ATXN7: variants seen among roughly 807,000 people sequenced by gnomAD.
ATXN7 encodes ataxin 7.
A neutral mutation model predicts 70.5 loss-of-function variants in ATXN7; 12 were observed. That is an observed-to-expected ratio of 0.17 (90% CI 0.11 to 0.28). ATXN7 has a LOEUF of 0.28. ATXN7 is among the 10% of genes least tolerant of loss of function. The pLI, the probability that ATXN7 is intolerant of heterozygous loss-of-function variation, is 1.00. For missense variants in ATXN7, 1,256 were observed against 1,131.7 expected (o/e 1.11, Z -1.58); for synonymous variants, 498 against 448.7 (o/e 1.11, Z -1.39).
At chr3:63,999,031 C>T in intron 12 of ATXN7, 1 of 166,126 alleles carries the variant, frequency 6.0e-6, no homozygotes, top group South Asian at 1.5e-4. Context: ...TGGGCACTGC[C>T]TTGAGTGCGA....
At position 63,912,756 on chromosome 3, in the gene ATXN7, C is replaced by G. The variant is rs1225526400; in HGVS notation, c.158C>G (p.Pro53Arg). 6.1e-6 allele frequency: 8 copies of G among 1,320,840 alleles called. No individual in the cohort carries two copies. The highest frequency in any genetic ancestry group is 6.8e-6 in the Non-Finnish European group (7 of 1,034,914). The allele number at this position is 1,320,840 out of a possible 1,614,324, so 81.8% of individuals were successfully genotyped here. A position where few individuals can be genotyped will look rare whatever the true frequency, so the allele number is the denominator to read the frequency against. The change falls in exon 3 of 13, where the codon CCG becomes CGG. Residue 53 changes from proline to arginine, a missense_variant. By Grantham distance (103) the Pro-to-Arg change is moderately radical. Coordinates refer to ENST00000674280, the MANE Select transcript of ATXN7 (RefSeq NM_001377405.1). ...PQPQRQQHPPPPPRRTRPEDG... is the reference protein window; with the variant it reads ...PQPQRQQHPPRPPRRTRPEDG... Reference sequence around the variant, plus strand: ...CCCCAGCGGCAGCAGCACCCGCCACCGCCGCCACGGCGCACACGGCCGGAG... The same window carrying G: ...CCCCAGCGGCAGCAGCACCCGCCACGGCCGCCACGGCGCACACGGCCGGAG...
At chr3:63,924,732 A>C (rs1351428268) in intron 4 of ATXN7, among the ~76,000 whole-genome samples, 1 of 152,162 alleles carries the variant, frequency 6.6e-6, no homozygotes, top group Non-Finnish European at 1.5e-5. Flanking sequence ...CAGAACCCTC[A>C]TTGTATGGGG....
In ATXN7 at chr3:63,921,091, G is replaced by A. The variant is rs560746089; in HGVS notation, c.394+7866G>A. ...AATAAATGAGCAGAAGAAGGAGAAC[G>A]ATTTTTGCATTTCACCCACTCATAA... On this transcript the variant is annotated intron_variant, in intron 4 of 12. Transcript: ENST00000674280. Among the ~76,000 whole-genome samples, 5 of 152,260 alleles carry A rather than the reference G, an allele frequency of 3.3e-5. No individual in the cohort carries two copies. The East Asian group carries it at 5.8e-4, about 18-fold the overall frequency.
chr3:63,871,391 C>T (rs1287812612), intron 1 of ATXN7, among the ~76,000 whole-genome samples: 2 of 152,014 alleles, frequency 1.3e-5, no homozygotes, highest in Non-Finnish European at 2.9e-5. Context: ...AGTAAATTTG[C>T]TACGTATCTT....
intron 8 of ATXN7, among the ~76,000 whole-genome samples, chr3:63,985,050 G>A (rs528026902): frequency 6.1e-4 from 93 of 152,164 alleles, no homozygotes; most frequent in African/African-American, 2.0e-3. Flanking sequence ...CATTTATATT[G>A]TTTCTACATC....
chr3:63,965,845 T>G (rs2075213216), intron 5 of ATXN7, among the ~76,000 whole-genome samples: 1 of 152,234 alleles, frequency 6.6e-6, no homozygotes. Flanking sequence ...CTGAGCTTTG[T>G]TCTCAATTTC....
chr3:63,952,878 AT>A (rs2074979920), intron 5 of ATXN7, among the ~76,000 whole-genome samples: 1 of 83,294 alleles, frequency 1.2e-5, no homozygotes, highest in Non-Finnish European at 2.2e-5. Context: ...AGGAAATGTG[AT>A]TTTGAAACTT....
intron 3 of ATXN7, 41 bp downstream of exon 3, chr3:63,912,964 A>G: frequency 2.0e-6 from 2 of 1,011,442 alleles, no homozygotes; most frequent in South Asian, 2.1e-5. Flanking sequence ...CCCCCTCGCG[A>G]CCCCCTCCTC....
intron 9 of ATXN7, 82 bp downstream of exon 9, chr3:63,988,406 G>A: frequency 6.5e-7 from 1 of 1,535,814 alleles, no homozygotes; most frequent in East Asian, 2.3e-5. Flanking sequence ...TGGTCATGCT[G>A]TTGAGAAACA....
At chr3:63,878,032 G>A (rs138583767) in intron 1 of ATXN7, among the ~76,000 whole-genome samples, 16 of 152,324 alleles carry the variant, frequency 1.1e-4, no homozygotes, top group Non-Finnish European at 2.2e-4. Context: ...TTTTGCATTA[G>A]TGCAGAAAAA....
chr3:63,944,081 C>G (rs1313270734), intron 4 of ATXN7, among the ~76,000 whole-genome samples: 2 of 152,126 alleles, frequency 1.3e-5, no homozygotes, highest in African/African-American at 2.4e-5. Context: ...GTGTGGCCAG[C>G]AGTAGGAGCA....
intron 4 of ATXN7, among the ~76,000 whole-genome samples, chr3:63,948,774 G>C (rs1394163664): frequency 6.6e-6 from 1 of 152,118 alleles, no homozygotes; most frequent in Non-Finnish European, 1.5e-5. Flanking sequence ...GGTCTCCAAA[G>C]TACATGATGG....
At chr3:63,950,709 C>A (rs2074939382) in intron 4 of ATXN7, among the ~76,000 whole-genome samples, 3 of 152,122 alleles carry the variant, frequency 2.0e-5, no homozygotes, top group African/African-American at 7.2e-5. Context: ...TAGATATAAC[C>A]TTTCCCCTTC....
chr3:63,971,669 A>G (rs751334383), intron 5 of ATXN7, among the ~76,000 whole-genome samples: 15 of 152,170 alleles, frequency 9.9e-5, no homozygotes, highest in Non-Finnish European at 7.4e-5. Flanking sequence ...GAGAAAAAAT[A>G]TATACATATA....
chr3:63,983,228 A>G (rs191602653), intron 8 of ATXN7, among the ~76,000 whole-genome samples: 1 of 152,346 alleles, frequency 6.6e-6, no homozygotes, highest in East Asian at 1.9e-4. Flanking sequence ...TATAATCTTG[A>G]CAGAGGTTTT....
intron 1 of ATXN7, chr3:63,867,122 A>G (rs1317823383): frequency 6.6e-6 from 1 of 152,154 alleles, no homozygotes; most frequent in Non-Finnish European, 1.5e-5. Flanking sequence ...ATGCTTTTAG[A>G]GCAAGAGTTA....
intron 9 of ATXN7, 32 bp downstream of exon 9, chr3:63,988,356 C>T: frequency 6.2e-7 from 1 of 1,612,424 alleles, no homozygotes; most frequent in East Asian, 2.2e-5. Context: ...TTTCTCCCAC[C>T]TTCAGAGATG....
At chr3:63,945,864 C>A (rs1032237369) in intron 4 of ATXN7, among the ~76,000 whole-genome samples, 3 of 152,182 alleles carry the variant, frequency 2.0e-5, no homozygotes, top group Non-Finnish European at 4.4e-5. Flanking sequence ...TCTGGGGGAA[C>A]TGAGTTCCAG....
Position 63,954,354 on chromosome 3 carries a change from A to G in ATXN7, c.499+1871A>G, listed in dbSNP as rs534352911. Among the ~76,000 whole-genome samples the G allele has an allele frequency of 2.0e-5, 3 of 152,354 alleles. No individual in the cohort carries two copies. The East Asian group carries it at 5.8e-4, about 29-fold the overall frequency. On this transcript the variant is annotated intron_variant, in intron 5 of 12. Coordinates refer to ENST00000674280, the MANE Select transcript of ATXN7 (RefSeq NM_001377405.1). ...ACGTGAGCAAGCACAGGAGCAGGAA[A>G]TTCCAGGCTCTCTGGGATGTGCTGC...
Sources: gnomAD v4.1 joint callset for allele counts (sites outside exome capture counted in the v4.1 genomes callset) on GRCh38, gnomAD v4.1.1 for gene constraint, MANE v1.5 for transcripts, NCBI Gene and HGNC (gene_info 2026-07-23, HGNC 2026-07-21) for gene names.